The following FAM227A variants were observed in gnomAD, a reference collection of about 807,000 sequenced individuals.
FAM227A encodes family with sequence similarity 227 member A, also known as protein FAM227A.
In FAM227A, 80 loss-of-function variants were observed where a neutral mutation model predicts 74.7. The ratio of observed to expected loss-of-function variants is 1.07; its 90% confidence interval spans 0.89 to 1.29. The LOEUF (loss-of-function observed/expected upper bound fraction) is 1.29, where lower values mean the gene tolerates loss of function less well. FAM227A is among the 50% of genes most tolerant of loss of function. The probability of loss-of-function intolerance (pLI) is 0.00; values close to 1 mark genes in which losing one functional copy is unlikely to be tolerated. For missense variants in FAM227A, 654 were observed against 683.4 expected, an observed-to-expected ratio of 0.96 and a Z score of 0.48; for synonymous variants, 237 against 241.8, an observed-to-expected ratio of 0.98 and a Z score of 0.19.
In FAM227A at chr22:38,605,950, A is replaced by C. The variant is rs192944644; in HGVS notation, c.1127-602T>G. On this transcript the variant is annotated intron_variant, in intron 12 of 16. Coordinates refer to ENST00000535113, the MANE Select transcript of FAM227A (RefSeq NM_001013647.2). ...TGTGAAATTACCTAGGATGATACTT[A>C]ACAGTTCATGTTCTGTGTTTTCTTA... Among the ~76,000 whole-genome samples, 28 of 152,332 alleles carry C rather than the reference A, an allele frequency of 1.8e-4. No individual in the cohort carries two copies. In the East Asian group the frequency reaches 5.2e-3, roughly 28 times the overall value.
chr22:38,625,718 G>A (rs1247604894), intron 9 of FAM227A, among the ~76,000 whole-genome samples: 1 of 152,132 alleles, frequency 6.6e-6, no homozygotes, highest in African/African-American at 2.4e-5. Context: ...GGCCGAAGCA[G>A]GCGGATTATG....
chr22:38,597,913 CATGCCTGTA>C (rs1555952706), intron 14 of FAM227A, among the ~76,000 whole-genome samples: 1 of 152,010 alleles, frequency 6.6e-6, no homozygotes, highest in Non-Finnish European at 1.5e-5. Flanking sequence ...CATGGTGGCA[CATGCCTGTA>C]ATCCCAGCTA....
intron 11 of FAM227A, among the ~76,000 whole-genome samples, chr22:38,614,497 T>A (rs2091534820): frequency 6.6e-6 from 1 of 152,158 alleles, no homozygotes. Flanking sequence ...TTGCAACTCA[T>A]TCCCCTGAAT....
intron 1 of FAM227A, among the ~76,000 whole-genome samples, chr22:38,653,239 C>T (rs965405998): frequency 2.0e-5 from 3 of 152,324 alleles, no homozygotes; most frequent in Admixed American, 1.3e-4. Context: ...TCTCTCAGCA[C>T]TCCCAGATAG....
intron 1 of FAM227A, 150 bp from the exon 2 acceptor site, chr22:38,650,412 A>C: frequency 1.9e-6 from 1 of 514,664 alleles, no homozygotes; most frequent in East Asian, 3.3e-5. Context: ...CCTATTCTTA[A>C]ATGAGGATTT....
rs1569245065 is a variant in FAM227A at position 38,650,213 on chromosome 22, A to G, written c.-45T>C. ...GGACAAACAAAAAGCTTCCACTTTTAAGAGCCTCTCATTTCCCACTCCAAT... is the reference window on the plus strand; with the variant it reads ...GGACAAACAAAAAGCTTCCACTTTTGAGAGCCTCTCATTTCCCACTCCAAT... On this transcript the variant is annotated 5_prime_UTR_variant, in exon 2 of 17. It removes the in-frame stop codon of an upstream open reading frame in the 5' UTR. Coordinates refer to ENST00000535113, the MANE Select transcript of FAM227A (RefSeq NM_001013647.2). 6.5e-7 allele frequency: 1 copy of G among 1,540,778 alleles called. No individual in the cohort carries two copies. The highest frequency in any genetic ancestry group is 8.8e-7 in the Non-Finnish European group (1 of 1,138,726).
intron 11 of FAM227A, among the ~76,000 whole-genome samples, chr22:38,610,643 A>C (rs986382198): frequency 6.6e-6 from 1 of 152,240 alleles, no homozygotes; most frequent in African/African-American, 2.4e-5. Flanking sequence ...TGGGAGGTGG[A>C]GGTTGCAGTG....
Position 38,650,016 on chromosome 22 carries a change from C to T in FAM227A, c.142+11G>A, listed in dbSNP as rs1376516668. 2 of 1,551,870 alleles carry T rather than the reference C, an allele frequency of 1.3e-6. No individual in the cohort carries two copies. Among genetic ancestry groups the T allele is most frequent in the Non-Finnish European group, 8.7e-7 (1 of 1,146,980 alleles). On this transcript the variant is annotated intron_variant, in intron 2 of 16. Coordinates refer to ENST00000535113, the MANE Select transcript of FAM227A (RefSeq NM_001013647.2). ...TTGGTCTGATTGTAGGTGACATCAC[C>T]AGAAGGATACAGGGTGGATTGTTCT...
At chr22:38,609,515 T>G (rs896847017) in intron 11 of FAM227A, among the ~76,000 whole-genome samples, 1 of 152,114 alleles carries the variant, frequency 6.6e-6, no homozygotes, top group African/African-American at 2.4e-5. Flanking sequence ...TTCTGTCTTT[T>G]AGGATGAGTA....
chr22:38,624,397 A>T (rs2091753825), intron 9 of FAM227A, among the ~76,000 whole-genome samples: 1 of 152,126 alleles, frequency 6.6e-6, no homozygotes, highest in Non-Finnish European at 1.5e-5. Flanking sequence ...CTCAAAAAAA[A>T]AAAAAGATTA....
At chr22:38,649,879 AG>A (rs1569244498) in intron 2 of FAM227A, 147 bp downstream of exon 2, 13,182 of 674,888 alleles carry the variant, frequency 0.02, 69 homozygotes, top group East Asian at 0.027. Context: ...AAAAAAAAAA[AG>A]AAAGAAAAGA....
At chr22:38,652,013 G>T (rs1035806948) in intron 1 of FAM227A, among the ~76,000 whole-genome samples, 5 of 149,782 alleles carry the variant, frequency 3.3e-5, no homozygotes, top group African/African-American at 1.2e-4. Context: ...GTGGTGAAAC[G>T]CCATCTCTAC....
chr22:38,623,777 C>T (rs1225285377), intron 9 of FAM227A, among the ~76,000 whole-genome samples: 2 of 152,180 alleles, frequency 1.3e-5, no homozygotes, highest in African/African-American at 4.8e-5. Context: ...CTTTATACCT[C>T]CAGAGCTCTA....
At chr22:38,643,867 GC>G (rs1288980285) in intron 3 of FAM227A, among the ~76,000 whole-genome samples, 4 of 152,166 alleles carry the variant, frequency 2.6e-5, no homozygotes, top group African/African-American at 9.7e-5. Context: ...GAGGGAACTG[GC>G]CAGGCGCAGT....
In FAM227A at chr22:38,581,748, T is replaced by TG. The variant is rs1163664710; in HGVS notation, c.*4376_*4377insC. ...GCCACCGCACCTGGCTCAGGTTTTT[T>TG]TTTTTTTTTTTCCCAGACACAGTCT... is the stretch of plus-strand genomic sequence containing the variant. On this transcript the variant is annotated 3_prime_UTR_variant, in exon 17 of 17. Coordinates refer to ENST00000535113, the MANE Select transcript of FAM227A (RefSeq NM_001013647.2). 2 of 151,352 alleles carry TG rather than the reference T, an allele frequency of 1.3e-5. No homozygotes were observed. Among genetic ancestry groups the TG allele is most frequent in the East Asian group, 1.9e-4 (1 of 5,174 alleles). 9.4% of individuals were successfully genotyped at this position (151,352 alleles called of 1,614,324 possible).
Position 38,585,421 on chromosome 22 carries a change from C to A in FAM227A, c.*704G>T, listed in dbSNP as rs551747732. On this transcript the variant is annotated 3_prime_UTR_variant, in exon 17 of 17. Transcript: ENST00000535113. ...GTCCCTGGGCTGAGTTTAGAAAAGA[C>A]AAGATGTTTGCCAGGCAGAAAGAGG... The A allele has an allele frequency of 6.6e-6, 1 of 152,076 alleles. No individual in the cohort carries two copies. Among genetic ancestry groups the A allele is most frequent in the Non-Finnish European group, 1.5e-5 (1 of 68,066 alleles). 9.4% of individuals were successfully genotyped at this position (152,076 alleles called of 1,614,324 possible). A position where few individuals can be genotyped will look rare whatever the true frequency, so the allele number is the denominator to read the frequency against.
chr22:38,621,298 C>T (rs572643105), intron 10 of FAM227A, among the ~76,000 whole-genome samples: 3 of 143,596 alleles, frequency 2.1e-5, no homozygotes, highest in Admixed American at 7.3e-5. Flanking sequence ...TGCTGTGAGC[C>T]GAGATCACGC....
chr22:38,613,284 T>C (rs2091482297), intron 11 of FAM227A, among the ~76,000 whole-genome samples: 1 of 79,612 alleles, frequency 1.3e-5, no homozygotes, highest in African/African-American at 5.2e-5. Flanking sequence ...ATATATCATA[T>C]ATAATATATA....
chr22:38,595,082 G>A (rs963890742), intron 15 of FAM227A, among the ~76,000 whole-genome samples: 2 of 152,114 alleles, frequency 1.3e-5, no homozygotes, highest in African/African-American at 4.8e-5. Flanking sequence ...TGGCGACAGA[G>A]CGAGACTCCA....
Sources: allele counts gnomAD v4.1 joint callset (sites outside exome capture counted in the v4.1 genomes callset), GRCh38; gene constraint gnomAD v4.1.1; transcripts MANE v1.5; gene names NCBI Gene and HGNC (gene_info 2026-07-23, HGNC 2026-07-21).